The following CDK6 variants were observed in gnomAD, a reference collection of about 807,000 sequenced individuals.
CDK6 encodes the protein cyclin dependent kinase 6, also known as cyclin-dependent kinase 6.
CDK6 carries 6 observed loss-of-function variants against 37.1 expected under a neutral mutation model. The ratio of observed to expected loss-of-function variants is 0.16; its 90% CI spans 0.09 to 0.32. The LOEUF (loss-of-function observed/expected upper bound fraction) is 0.32, where lower values mean the gene tolerates loss of function less well. Ranked by LOEUF, CDK6 falls within the 10% of genes least tolerant of loss-of-function variation. The probability of loss-of-function intolerance (pLI) is 1.00; values close to 1 mark genes in which losing one functional copy is unlikely to be tolerated. For synonymous variants in CDK6, 160 were observed against 161.3 expected, an observed-to-expected ratio of 0.99 and a Z score of 0.06; for missense variants, 224 against 418.9, an observed-to-expected ratio of 0.53 and a Z score of 4.06.
chr7:92,624,672 C>T (rs1795884848), intron 5 of CDK6, among the ~76,000 whole-genome samples: 2 of 152,140 alleles, frequency 1.3e-5, no homozygotes, highest in Non-Finnish European at 2.9e-5. Context: ...GACATCTTGA[C>T]AGGTCTTAAA....
chr7:92,768,578 C>T (rs1799639481), intron 3 of CDK6, among the ~76,000 whole-genome samples: 1 of 152,132 alleles, frequency 6.6e-6, no homozygotes, highest in Non-Finnish European at 1.5e-5. Flanking sequence ...ATGGTCTATT[C>T]AATTAGTGCA....
At position 92,652,006 on chromosome 7, in the gene CDK6, C is replaced by T. The variant is rs530244796; in HGVS notation, c.647+19420G>A. Among the ~76,000 whole-genome samples, 10 of 152,264 alleles carry T rather than the reference C, an allele frequency of 6.6e-5. No homozygotes were observed. The South Asian group carries it at 1.4e-3, about 22-fold the overall frequency. Reference sequence around the variant, plus strand: ...CCAATAACATGAATGAGAGTCAACACGCTCACTTATAGGGAGGAACACTAC... The same window carrying T: ...CCAATAACATGAATGAGAGTCAACATGCTCACTTATAGGGAGGAACACTAC... On this transcript the variant is annotated intron_variant, in intron 5 of 7. Transcript: ENST00000424848.
At chr7:92,660,277 T>C (rs1242323361) in intron 5 of CDK6, among the ~76,000 whole-genome samples, 4 of 152,212 alleles carry the variant, frequency 2.6e-5, no homozygotes, top group African/African-American at 9.7e-5. Context: ...ATGGGGCTAC[T>C]GTAAGCACAG....
chr7:92,798,933 C>T (rs924899868), intron 2 of CDK6, among the ~76,000 whole-genome samples: 7 of 152,200 alleles, frequency 4.6e-5, no homozygotes, highest in African/African-American at 1.2e-4. Flanking sequence ...CTCTTCAAGA[C>T]GAACCCTATT....
At chr7:92,649,359 A>T (rs1045357682) in intron 5 of CDK6, among the ~76,000 whole-genome samples, 2 of 152,174 alleles carry the variant, frequency 1.3e-5, no homozygotes, top group East Asian at 3.8e-4. Flanking sequence ...ATTTGAAGTT[A>T]AAAACACCAG....
intron 5 of CDK6, among the ~76,000 whole-genome samples, chr7:92,626,377 T>C (rs1430609251): frequency 6.6e-6 from 1 of 151,976 alleles, no homozygotes; most frequent in Non-Finnish European, 1.5e-5. Flanking sequence ...GAATAGAAGT[T>C]TACCTCATTT....
chr7:92,829,076 C>A (rs954908166), intron 2 of CDK6, among the ~76,000 whole-genome samples: 1 of 152,076 alleles, frequency 6.6e-6, no homozygotes, highest in Non-Finnish European at 1.5e-5. Flanking sequence ...AATTGAAGAC[C>A]TGGCTTTACA....
intron 5 of CDK6, among the ~76,000 whole-genome samples, chr7:92,640,604 G>T (rs560314347): frequency 7.1e-4 from 108 of 152,294 alleles, no homozygotes; most frequent in African/African-American, 2.3e-3. Context: ...GAATTTGGAT[G>T]ACTATTACTT....
At chr7:92,709,780 G>GC (rs1798045843) in intron 4 of CDK6, among the ~76,000 whole-genome samples, 1 of 152,074 alleles carries the variant, frequency 6.6e-6, no homozygotes, top group African/African-American at 2.4e-5. Context: ...TGCCTGAGAA[G>GC]AATGTTACCT....
chr7:92,725,280 C>A (rs1384484091), intron 4 of CDK6: 1 of 985,286 alleles, frequency 1.0e-6, no homozygotes, highest in African/African-American at 1.7e-5. Context: ...GCTCTTTCTT[C>A]CCTGACCTTG....
chr7:92,756,467 T>C (rs1055373814), intron 3 of CDK6, among the ~76,000 whole-genome samples: 1 of 152,204 alleles, frequency 6.6e-6, no homozygotes, highest in Non-Finnish European at 1.5e-5. Context: ...AACCAGTTGA[T>C]GTGAATCGGC....
At chr7:92,732,780 A>G (rs1393469395) in intron 3 of CDK6, among the ~76,000 whole-genome samples, 2 of 152,204 alleles carry the variant, frequency 1.3e-5, no homozygotes, top group Non-Finnish European at 2.9e-5. Flanking sequence ...GGTGCACAGT[A>G]GAATGCTCTC....
chr7:92,607,416 TA>T lies in CDK6; in HGVS notation c.*7723del, dbSNP rs1292306029. ...TGCACTCTACTATATGCATATTTAA[TA>T]AAAACAACTACAAAGTCCTTTACTT... On this transcript the variant is annotated 3_prime_UTR_variant, in exon 8 of 8. Coordinates refer to ENST00000424848, the MANE Select transcript of CDK6 (RefSeq NM_001145306.2). The T allele has an allele frequency of 4.3e-6, 1 of 233,026 alleles. No homozygotes were observed. The highest frequency in any genetic ancestry group is 2.2e-5 in the African/African-American group (1 of 45,344). The allele number at this position is 233,026 out of a possible 1,614,324, so 14.4% of individuals were successfully genotyped here.
At chr7:92,665,118 G>A (rs1363769005) in intron 5 of CDK6, among the ~76,000 whole-genome samples, 2 of 152,226 alleles carry the variant, frequency 1.3e-5, no homozygotes, top group East Asian at 3.9e-4. Flanking sequence ...CATTTTATGT[G>A]ACTTTGCTGT....
intron 5 of CDK6, among the ~76,000 whole-genome samples, chr7:92,655,408 T>C (rs1294310538): frequency 2.6e-5 from 4 of 152,198 alleles, no homozygotes; most frequent in Non-Finnish European, 2.9e-5. Context: ...CTAAGTTCAG[T>C]GCTGTTTTTA....
chr7:92,710,690 A>G (rs1308807098), intron 4 of CDK6: 30 of 985,038 alleles, frequency 3.0e-5, no homozygotes, highest in Non-Finnish European at 4.8e-6. Context: ...AGGAGACCAA[A>G]GCAGAATTGC....
intron 4 of CDK6, among the ~76,000 whole-genome samples, chr7:92,688,636 G>A (rs1393204364): frequency 8.3e-6 from 1 of 120,024 alleles, no homozygotes; most frequent in Non-Finnish European, 1.8e-5. Flanking sequence ...CACACACAGA[G>A]TTCTTAGACA....
chr7:92,711,093 T>C lies in CDK6; in HGVS notation c.537+14533A>G, dbSNP rs569520106. Among the ~76,000 whole-genome samples the C allele has an allele frequency of 3.3e-5, 5 of 152,342 alleles. No individual in the cohort carries two copies. In the East Asian group the frequency reaches 7.7e-4, roughly 23 times the overall value. On this transcript the variant is annotated intron_variant, in intron 4 of 7. Transcript: ENST00000424848. ...CAAATTTTTGAATGTGCATTCTTTG[T>C]CCTTTGTCCTGGTAGTACCATTTCT...
intron 5 of CDK6, among the ~76,000 whole-genome samples, chr7:92,652,456 T>G (rs1175313096): frequency 1.3e-5 from 2 of 152,198 alleles, no homozygotes; most frequent in Non-Finnish European, 2.9e-5. Flanking sequence ...CATTTCTTTC[T>G]AGTCAAAGGT....
Sources: allele counts gnomAD v4.1 joint callset (sites outside exome capture counted in the v4.1 genomes callset), GRCh38; gene constraint gnomAD v4.1.1; transcripts MANE v1.5; gene names NCBI Gene and HGNC (gene_info 2026-07-23, HGNC 2026-07-21).